CNTN5: variants seen among roughly 807,000 people sequenced by gnomAD.
CNTN5 encodes the protein contactin-5.
A neutral mutation model predicts 129.1 loss-of-function variants in CNTN5; 77 were observed. That is an observed-to-expected ratio of 0.60 (90% CI 0.50 to 0.72). CNTN5 has a LOEUF of 0.72. CNTN5 is among the 30% of genes least tolerant of loss of function. The probability of loss-of-function intolerance (pLI) is 0.00; values close to 1 mark genes in which losing one functional copy is unlikely to be tolerated. For missense variants in CNTN5, 1,478 were observed against 1,328.8 expected (o/e 1.11, Z -1.75); for synonymous variants, 509 against 465.6 (o/e 1.09, Z -1.20).
intron 1 of CNTN5, among the ~76,000 whole-genome samples, chr11:99,206,005 A>G (rs1859460941): frequency 1.3e-5 from 2 of 152,268 alleles, no homozygotes; most frequent in South Asian, 4.1e-4. Flanking sequence ...CTGTGAGGGC[A>G]AAGTGGCTTA....
chr11:99,585,079 T>A (rs923240929), intron 3 of CNTN5, among the ~76,000 whole-genome samples: 10 of 152,222 alleles, frequency 6.6e-5, no homozygotes, highest in African/African-American at 2.2e-4. Context: ...AGTGGACACA[T>A]ATTTTCCAAA....
intron 2 of CNTN5, among the ~76,000 whole-genome samples, chr11:99,338,892 C>T (rs1325723296): frequency 8.3e-6 from 1 of 121,190 alleles, no homozygotes; most frequent in Non-Finnish European, 1.7e-5. Flanking sequence ...GGTGCTTAAT[C>T]AATTTTATGT....
chr11:99,166,172 A>G (rs1161071312), intron 1 of CNTN5, among the ~76,000 whole-genome samples: 4 of 152,064 alleles, frequency 2.6e-5, no homozygotes, highest in South Asian at 2.1e-4. Flanking sequence ...GGGAGGCCAA[A>G]GCGGGTGGAT....
intron 2 of CNTN5, among the ~76,000 whole-genome samples, chr11:99,403,658 T>C (rs1379809045): frequency 6.6e-6 from 1 of 152,156 alleles, no homozygotes; most frequent in Non-Finnish European, 1.5e-5. Context: ...TATAGTCCTA[T>C]AGTTTTCAAA....
intron 2 of CNTN5, among the ~76,000 whole-genome samples, chr11:99,469,618 A>G (rs763543482): frequency 1.4e-4 from 22 of 152,282 alleles, no homozygotes; most frequent in Non-Finnish European, 2.5e-4. Flanking sequence ...TATTGAGTTT[A>G]AACTCAATAA....
intron 3 of CNTN5, among the ~76,000 whole-genome samples, chr11:99,678,369 A>T (rs1953393443): frequency 6.6e-6 from 1 of 152,122 alleles, no homozygotes; most frequent in Non-Finnish European, 1.5e-5. Context: ...ATATATGGCT[A>T]CACAAAACAA....
chr11:99,211,099 G>T (rs1859754595), intron 1 of CNTN5, among the ~76,000 whole-genome samples: 1 of 151,870 alleles, frequency 6.6e-6, no homozygotes, highest in Non-Finnish European at 1.5e-5. Flanking sequence ...CCTCCCAATT[G>T]GGCAGGTTCT....
intron 1 of CNTN5, among the ~76,000 whole-genome samples, chr11:99,054,665 AT>A (rs1327590742): frequency 6.6e-6 from 1 of 151,740 alleles, no homozygotes; most frequent in Non-Finnish European, 1.5e-5. Context: ...TCCTAGAAGC[AT>A]TGGGAAATTT....
chr11:100,303,095 C>T (rs1337043684), intron 20 of CNTN5, among the ~76,000 whole-genome samples: 2 of 151,416 alleles, frequency 1.3e-5, no homozygotes, highest in Non-Finnish European at 3.0e-5. Context: ...TCTGTCAGTG[C>T]CAAGCAGCAT....
chr11:100,210,347 CAAAAAAAA>C (rs374618789), intron 15 of CNTN5, among the ~76,000 whole-genome samples: 1 of 80,916 alleles, frequency 1.2e-5, no homozygotes, highest in Admixed American at 1.4e-4. Flanking sequence ...GAGACTATCT[CAAAAAAAA>C]AAAAAAAAAA....
chr11:99,358,255 A>ATTTTTTTTTTTTTTTTTTTTT lies in CNTN5; in HGVS notation c.-71+32791_-71+32792insTTTTTTTTTTTTTTTTTTTTT, dbSNP rs1186386021. Among the ~76,000 whole-genome samples, 36 of 46,918 alleles carry ATTTTTTTTTTTTTTTTTTTTT rather than the reference A, an allele frequency of 7.7e-4. 2 individuals are homozygous for ATTTTTTTTTTTTTTTTTTTTT. Among genetic ancestry groups the ATTTTTTTTTTTTTTTTTTTTT allele is most frequent in the African/African-American group, 2.2e-3 (30 of 13,812 alleles). The allele number at this position is 46,918 out of a possible 152,430, so 30.8% of individuals were successfully genotyped here. A position where few individuals can be genotyped will look rare whatever the true frequency, so the allele number is the denominator to read the frequency against. The stretch of plus-strand genomic sequence containing the variant: ...AGGCGCCCGCCACCACGCCCTGCTG[A>ATTTTTTTTTTTTTTTTTTTTT]TTTTTTTTTTTTTTTTTTTTAGTAG... On this transcript the variant is annotated intron_variant, in intron 2 of 24. Coordinates refer to ENST00000524871, the MANE Select transcript of CNTN5 (RefSeq NM_014361.4).
At chr11:100,067,809 G>C (rs1216922056) in intron 10 of CNTN5, among the ~76,000 whole-genome samples, 2 of 150,490 alleles carry the variant, frequency 1.3e-5, no homozygotes, top group African/African-American at 4.9e-5. Context: ...TTCAGAGTAA[G>C]CATTTTACCT....
At chr11:99,561,388 TTAAA>T (rs1565297295) in intron 3 of CNTN5, among the ~76,000 whole-genome samples, 1 of 152,114 alleles carries the variant, frequency 6.6e-6, no homozygotes, top group Non-Finnish European at 1.5e-5. Context: ...AGATAAAAGA[TTAAA>T]TAAATAATGA....
At position 99,767,577 on chromosome 11, in the gene CNTN5, A is replaced by C. The variant is rs550768049; in HGVS notation, c.56-51967A>C. 5.3e-5 allele frequency among the ~76,000 whole-genome samples: 8 copies of C among 151,300 alleles called. No homozygotes were observed. The South Asian group carries it at 1.7e-3, about 32-fold the overall frequency. ...TGATATGCAAATAAGATTTTTTTGG[A>C]AAAGCTTCTTATTTTCCCATTGATT... On this transcript the variant is annotated intron_variant, in intron 3 of 24. Transcript: ENST00000524871.
chr11:100,148,644 G>A (rs1946938260), intron 13 of CNTN5, among the ~76,000 whole-genome samples: 1 of 152,126 alleles, frequency 6.6e-6, no homozygotes, highest in Non-Finnish European at 1.5e-5. Context: ...CCTTCTGTGA[G>A]ATGCATGAAG....
At chr11:99,675,397 T>C (rs1201324930) in intron 3 of CNTN5, among the ~76,000 whole-genome samples, 1 of 152,050 alleles carries the variant, frequency 6.6e-6, no homozygotes, top group Non-Finnish European at 1.5e-5. Context: ...AGTAAAAAAA[T>C]GCAGGCTGGG....
At chr11:99,465,828 G>C (rs111470605) in intron 2 of CNTN5, among the ~76,000 whole-genome samples, 1 of 150,686 alleles carries the variant, frequency 6.6e-6, no homozygotes, top group African/African-American at 2.4e-5. Context: ...CATGTCTTAC[G>C]TGGCCGGAAC....
At chr11:99,360,039 A>G (rs1025670764) in intron 2 of CNTN5, among the ~76,000 whole-genome samples, 6 of 152,034 alleles carry the variant, frequency 3.9e-5, no homozygotes, top group Admixed American at 1.3e-4. Context: ...CCCACTACAT[A>G]CTCATAAAAA....
At chr11:99,104,610 G>A (rs751183112) in intron 1 of CNTN5, among the ~76,000 whole-genome samples, 1 of 118,384 alleles carries the variant, frequency 8.4e-6, no homozygotes, top group South Asian at 2.7e-4. Flanking sequence ...TACCTACAAT[G>A]TGTGTGTATA....
Sources: allele counts gnomAD v4.1 joint callset (sites outside exome capture counted in the v4.1 genomes callset), GRCh38; gene constraint gnomAD v4.1.1; transcripts MANE v1.5; gene names NCBI Gene and HGNC (gene_info 2026-07-23, HGNC 2026-07-21).